Variants in PCDHGA4 observed in about 807,000 individuals in gnomAD.
The protein encoded by PCDHGA4 is protocadherin gamma-A4.
In PCDHGA4, 38 loss-of-function variants were observed where a neutral mutation model predicts 54.6. That is an observed-to-expected ratio of 0.70 (90% confidence interval 0.54 to 0.91). The LOEUF (loss-of-function observed/expected upper bound fraction) is 0.91. Among genes scored for constraint, PCDHGA4 ranks in the 40% least tolerant of loss-of-function variants. The pLI, the probability that PCDHGA4 is intolerant of heterozygous loss-of-function variation, is 0.00. For missense variants in PCDHGA4, 1,298 were observed against 1,220.9 expected (o/e 1.06, Z -0.94); for synonymous variants, 511 against 512.9 (o/e 1.00, Z 0.05).
In PCDHGA4 at chr5:141,477,085, G is replaced by A. The variant is rs1420972762; in HGVS notation, c.2515-17722G>A. On this transcript the variant is annotated intron_variant, in intron 1 of 3. Coordinates refer to ENST00000571252, the MANE Select transcript of PCDHGA4 (RefSeq NM_018917.4). This position sits in a 1 kb window ranked among gnomAD's most constrained non-coding sequence, Gnocchi z 4.9. ...CCAAACTCCATGAGATTTACATCCAGGCCAAAGACAAGGGCGCCAATCCCG... is the reference window on the plus strand; with the variant it reads ...CCAAACTCCATGAGATTTACATCCAAGCCAAAGACAAGGGCGCCAATCCCG... 1 of 1,614,262 alleles carries A rather than the reference G, an allele frequency of 6.2e-7. No individual in the cohort carries two copies. The highest frequency in any genetic ancestry group is 1.7e-5 in the Admixed American group (1 of 60,034).
Position 141,400,778 on chromosome 5 carries a change from T to A in PCDHGA4, c.2514+43157T>A, listed in dbSNP as rs1589424490. ...TCTCTAGCAAAAACATTTGGTGCGT[T>A]TTTTTGTCCTCTTTCTCAAAGCTAA... On this transcript the variant is annotated intron_variant, in intron 1 of 3. Coordinates refer to ENST00000571252, the MANE Select transcript of PCDHGA4 (RefSeq NM_018917.4). 6 of 568,120 alleles carry A rather than the reference T, an allele frequency of 1.1e-5. No individual in the cohort carries two copies. The East Asian group carries it at 1.7e-4, about 16-fold the overall frequency. 35.2% of individuals were successfully genotyped at this position (568,120 alleles called of 1,614,324 possible).
intron 1 of PCDHGA4, chr5:141,478,687 A>G: frequency 6.4e-7 from 1 of 1,551,218 alleles, no homozygotes; most frequent in Middle Eastern, 1.7e-4. Context: ...CCCTTCCTAG[A>G]TCAAAGTTAG....
In PCDHGA4 at chr5:141,413,416, C is replaced by G. The variant is rs893515703; in HGVS notation, c.2514+55795C>G. ...CAGAGGTAGGACGCAGCTTTTCTCT[C>G]TGAACCCGCGCAGCGGCAGCTTGAT... On this transcript the variant is annotated intron_variant, in intron 1 of 3. Transcript: ENST00000571252. 1 of 1,614,100 alleles carries G rather than the reference C, an allele frequency of 6.2e-7. No individual in the cohort carries two copies. Among genetic ancestry groups the G allele is most frequent in the Admixed American group, 1.7e-5 (1 of 60,034 alleles).
At position 141,512,951 on chromosome 5, in the gene PCDHGA4, AATAAT is replaced by A. The variant is rs1231390259; in HGVS notation, c.*1780_*1784del. 2.1e-5 allele frequency: 3 copies of A among 141,994 alleles called. No homozygotes were observed. Among genetic ancestry groups the A allele is most frequent in the Non-Finnish European group, 4.8e-5 (3 of 62,372 alleles). The allele number at this position is 141,994 out of a possible 1,614,324, so 8.8% of individuals were successfully genotyped here. A position where few individuals can be genotyped will look rare whatever the true frequency, so the allele number is the denominator to read the frequency against. On this transcript the variant is annotated 3_prime_UTR_variant, in exon 4 of 4. Coordinates refer to ENST00000571252, the MANE Select transcript of PCDHGA4 (RefSeq NM_018917.4). ...TATGGCTTTTTTTCTTCGACAAAAAAATAATAAAACGTTTCTTCTGAAAAGCTGAA... is the reference window on the plus strand; with the variant it reads ...TATGGCTTTTTTTCTTCGACAAAAAAAAAACGTTTCTTCTGAAAAGCTGAA...
rs2099419063 is a variant in PCDHGA4 at position 141,477,824 on chromosome 5, C to G, written c.2515-16983C>G. On this transcript the variant is annotated intron_variant, in intron 1 of 3. Coordinates refer to ENST00000571252, the MANE Select transcript of PCDHGA4 (RefSeq NM_018917.4). This position sits in a 1 kb window ranked among gnomAD's most constrained non-coding sequence, Gnocchi z 4.9. ...TGACAATGCCCCCCAGGTCCTATAT[C>G]CTCGGCCAGGTGGGAGCTCGGTGGA... is the stretch of plus-strand genomic sequence containing the variant. 5.6e-6 allele frequency: 9 copies of G among 1,614,196 alleles called. No individual in the cohort carries two copies. The highest frequency in any genetic ancestry group is 5.9e-6 in the Non-Finnish European group (7 of 1,180,034).
chr5:141,471,404 TTA>T (rs1320685792), intron 1 of PCDHGA4: 3 of 152,170 alleles, frequency 2.0e-5, no homozygotes, highest in Non-Finnish European at 4.4e-5. Flanking sequence ...GTAGCTAGGC[TTA>T]GTTATGTTTT....
intron 1 of PCDHGA4, among the ~76,000 whole-genome samples, chr5:141,452,815 A>G (rs1199990390): frequency 6.6e-6 from 1 of 152,186 alleles, no homozygotes; most frequent in Admixed American, 6.5e-5. Flanking sequence ...TTTGTTCATA[A>G]GAAGCAAAAT....
chr5:141,372,309 C>T lies in PCDHGA4; in HGVS notation c.2514+14688C>T, dbSNP rs950315336. On this transcript the variant is annotated intron_variant, in intron 1 of 3. Transcript: ENST00000571252. ...TACCTTGGGCGACAGGGAGGCCGCC[C>T]GCCAGCGCCTGCTGGTCACTGTGCG... 2 of 1,613,400 alleles carry T rather than the reference C, an allele frequency of 1.2e-6. No homozygotes were observed. The highest frequency in any genetic ancestry group is 2.2e-5 in the East Asian group (1 of 44,894).
rs1390278177 is a variant in PCDHGA4, at chr5:141,366,317, G to A, written c.2514+8696G>A. The A allele has an allele frequency of 1.9e-6, 3 of 1,613,628 alleles. No homozygotes were observed. In the South Asian group the frequency reaches 3.3e-5, roughly 18 times the overall value. ...GTCAGCCACCTTCACGGTCACCGTT[G>A]CCGTGGCCGACAGGATCCCTGACAT... On this transcript the variant is annotated intron_variant, in intron 1 of 3. Coordinates refer to ENST00000571252, the MANE Select transcript of PCDHGA4 (RefSeq NM_018917.4).
At chr5:141,507,896 G>A (rs1457319438) in intron 3 of PCDHGA4, among the ~76,000 whole-genome samples, 1 of 152,210 alleles carries the variant, frequency 6.6e-6, no homozygotes, top group African/African-American at 2.4e-5. Flanking sequence ...GGTTCCTGAA[G>A]TCCAGCCCAG....
At chr5:141,361,897 G>C (rs1762228885) in intron 1 of PCDHGA4, 1 of 1,609,754 alleles carries the variant, frequency 6.2e-7, no homozygotes, top group Non-Finnish European at 8.5e-7. Flanking sequence ...CGGCTACCTG[G>C]TGACCAAGGT....
chr5:141,485,745 T>C lies in PCDHGA4; in HGVS notation c.2515-9062T>C. 3 of 1,614,146 alleles carry C rather than the reference T, an allele frequency of 1.9e-6. No individual in the cohort carries two copies. Among genetic ancestry groups the C allele is most frequent in the Non-Finnish European group, 2.5e-6 (3 of 1,179,986 alleles). ...AAGAAGCGCAGCGACGGCAGCCTGGTCCCAGAGCTGCTCCTGGAGAAGCCT... is the reference window on the plus strand; with the variant it reads ...AAGAAGCGCAGCGACGGCAGCCTGGCCCCAGAGCTGCTCCTGGAGAAGCCT... On this transcript the variant is annotated intron_variant, in intron 1 of 3. Transcript: ENST00000571252. This position sits in a 1 kb window ranked among gnomAD's most constrained non-coding sequence, Gnocchi z 5.7.
intron 1 of PCDHGA4, among the ~76,000 whole-genome samples, chr5:141,492,949 A>G (rs1470301496): frequency 6.6e-6 from 1 of 152,226 alleles, no homozygotes; most frequent in African/African-American, 2.4e-5. Flanking sequence ...GGAGGTGACC[A>G]AACTATCTGA....
At chr5:141,393,094 A>T in intron 1 of PCDHGA4, 4 of 1,613,606 alleles carry the variant, frequency 2.5e-6, no homozygotes, top group Non-Finnish European at 3.4e-6. Flanking sequence ...GATCGGGAGG[A>T]GCTCTGCGCT....
chr5:141,376,506 A>C (rs773992139), intron 1 of PCDHGA4: 1 of 1,614,126 alleles, frequency 6.2e-7, no homozygotes, highest in African/African-American at 1.3e-5. Flanking sequence ...AGGCAACTTC[A>C]GGTGAGTTTC....
At chr5:141,454,953 G>A (rs1304192945) in intron 1 of PCDHGA4, among the ~76,000 whole-genome samples, 4 of 150,686 alleles carry the variant, frequency 2.7e-5, no homozygotes, top group Admixed American at 6.6e-5. Context: ...GACTACAGGC[G>A]CCGGCCACCA....
chr5:141,361,081 A>AC (rs1470194517), intron 1 of PCDHGA4: 1 of 1,613,830 alleles, frequency 6.2e-7, no homozygotes, highest in Non-Finnish European at 8.5e-7. Context: ...AAGTAGTTAC[A>AC]CTCTGAGTAT....
At chr5:141,365,996 AACG>A (rs1588620860) in intron 1 of PCDHGA4, 4 of 1,614,192 alleles carry the variant, frequency 2.5e-6, no homozygotes, top group Non-Finnish European at 3.4e-6. Context: ...GCTGGACCAG[AACG>A]ACAATACGCC....
At chr5:141,502,377 C>A (rs748121694) in intron 2 of PCDHGA4, among the ~76,000 whole-genome samples, 14 of 151,904 alleles carry the variant, frequency 9.2e-5, no homozygotes, top group Non-Finnish European at 1.3e-4. Flanking sequence ...AGAGTCCAGG[C>A]CAGTTGTACT....
Sources: allele counts gnomAD v4.1 joint callset (sites outside exome capture counted in the v4.1 genomes callset), GRCh38; gene constraint gnomAD v4.1.1; non-coding constraint Gnocchi (gnomAD v3.1); transcripts MANE v1.5; gene names NCBI Gene and HGNC (gene_info 2026-07-23, HGNC 2026-07-21).